MEGF6: variants seen among roughly 807,000 people sequenced by gnomAD.
The protein encoded by MEGF6 is multiple epidermal growth factor-like domains protein 6.
MEGF6 carries 184 observed loss-of-function variants against 207.1 expected under a neutral mutation model. The observed-to-expected ratio is 0.89, with a 90% CI of 0.79 to 1.00. The LOEUF (loss-of-function observed/expected upper bound fraction) is 1.00. MEGF6 is among the 50% of genes least tolerant of loss of function. The pLI, the probability that MEGF6 is intolerant of heterozygous loss-of-function variation, is 0.00. For synonymous variants in MEGF6, 1,038 were observed against 910.0 expected, an observed-to-expected ratio of 1.14 and a Z score of -2.53; for missense variants, 2,282 against 2,202.9, an observed-to-expected ratio of 1.04 and a Z score of -0.72.
intron 1 of MEGF6, among the ~76,000 whole-genome samples, chr1:3,607,591 G>A (rs527612899): frequency 9.8e-5 from 15 of 152,326 alleles, no homozygotes; most frequent in African/African-American, 3.6e-4. Context: ...GGTGGCAGGG[G>A]AAGGGCAGGC....
At chr1:3,520,702 CAA>C in intron 5 of MEGF6, among the ~76,000 whole-genome samples, 1 of 152,304 alleles carries the variant, frequency 6.6e-6, no homozygotes, top group East Asian at 1.9e-4. Context: ...GAGCCACTGG[CAA>C]AGTCCTTCTT....
rs774490175 is a variant in MEGF6 at position 3,501,854 on chromosome 1, G to A, written c.2256C>T (p.His752=). The A allele has an allele frequency of 3.7e-6, 6 of 1,607,716 alleles. No homozygotes were observed. Among genetic ancestry groups the A allele is most frequent in the South Asian group, 1.1e-5 (1 of 90,596 alleles). The change falls in exon 18 of 37, where the codon CAC becomes CAT. Residue 752 remains histidine (H), a synonymous_variant. Transcript: ENST00000356575. ...SSCSCGGAPC[H]GVTGQCRCPP... is the part of the protein sequence containing the mutation. The stretch of plus-strand genomic sequence containing the variant: ...GACACCGGCACTGCCCCGTGACCCC[G>A]TGGCAGGGGGCCCCCCCACAGGAGC...
At chr1:3,621,467 A>G in the MEGF6 span, among the ~76,000 whole-genome samples, 1 of 152,222 alleles carries the variant, frequency 6.6e-6, no homozygotes, top group African/African-American at 2.4e-5. Flanking sequence ...AGCGAGGATT[A>G]TTATAATATT....
chr1:3,578,263 C>T (rs541246973), intron 4 of MEGF6, among the ~76,000 whole-genome samples: 7 of 152,356 alleles, frequency 4.6e-5, no homozygotes, highest in Admixed American at 2.0e-4. Context: ...CTGGTATTTC[C>T]GCGTGAAACC....
In MEGF6 at chr1:3,495,972, C is replaced by A; in HGVS notation, c.3789G>T (p.Gly1263=). Residue 1263 remains glycine (G), a synonymous_variant, in exon 30 of 37, where the codon GGG becomes GGT. Coordinates refer to ENST00000356575, the MANE Select transcript of MEGF6 (RefSeq NM_001409.4). ...RFGPNCTHVC[G]CGQGAACDPV... Reference sequence around the variant, plus strand: ...GGTCGCAGGCCGCCCCCTGCCCACACCCACACACGTGGGTGCAGTTGGGGC... The same window carrying A: ...GGTCGCAGGCCGCCCCCTGCCCACAACCACACACGTGGGTGCAGTTGGGGC... The A allele has an allele frequency of 1.3e-6, 2 of 1,576,822 alleles. No homozygotes were observed. Among genetic ancestry groups the A allele is most frequent in the East Asian group, 2.3e-5 (1 of 43,980 alleles).
At position 3,494,466 on chromosome 1, in the gene MEGF6, T is replaced by A. The variant is rs1358295433; in HGVS notation, c.4034A>T (p.His1345Leu). 6 of 1,580,618 alleles carry A rather than the reference T, an allele frequency of 3.8e-6. No individual in the cohort carries two copies. Among genetic ancestry groups the A allele is most frequent in the Non-Finnish European group, 5.1e-6 (6 of 1,167,766 alleles). The change falls in exon 32 of 37, where the codon CAT becomes CTT. Residue 1345 changes from histidine (H) to leucine (L), a missense_variant. Transcript: ENST00000356575. ...GTTGTTGTGGCAGGAGCACTCCAGATGGCAGGCGGCTCCGTAGCGCCCAGG... is the reference window on the plus strand; with the variant it reads ...GTTGTTGTGGCAGGAGCACTCCAGAAGGCAGGCGGCTCCGTAGCGCCCAGG... Reference protein sequence around the residue: ...CPPGRYGAACHLECSCHNNST... With the variant: ...CPPGRYGAACLLECSCHNNST...
rs781539343 is a variant in MEGF6, at chr1:3,499,803, G to A, written c.2829C>T (p.Cys943=). 61 of 1,557,682 alleles carry A rather than the reference G, an allele frequency of 3.9e-5. 2 individuals carry two copies. The highest frequency in any genetic ancestry group is 3.7e-4 in the South Asian group (31 of 84,810). The part of the protein sequence containing the change: ...TCPAGWRGTF[C]EHACPAGFFG... ...GCCTGTGCCGTAGCTCACCATGCTC[G>A]CAGAAGGTGCCCCTCCAGCCGGCCG... The change falls in exon 22 of 37, where the codon TGC becomes TGT. Residue 943 remains cysteine, a synonymous_variant. Coordinates refer to ENST00000356575, the MANE Select transcript of MEGF6 (RefSeq NM_001409.4).
At chr1:3,577,965 A>G (rs2794348) in intron 4 of MEGF6, among the ~76,000 whole-genome samples, 114,253 of 152,206 alleles carry the variant, frequency 0.75, 44,172 homozygotes, top group Non-Finnish European at 0.84. Flanking sequence ...GTGCCTGCCG[A>G]TGCCCCGGGG....
At chr1:3,616,056 A>G (rs1157190529), upstream of MEGF6, among the ~76,000 whole-genome samples, 1 of 152,162 alleles carries the variant, frequency 6.6e-6, no homozygotes, top group Non-Finnish European at 1.5e-5. Flanking sequence ...GATGGAGGAG[A>G]AATAACGTAG....
At chr1:3,504,926 T>C (rs567150428) in intron 17 of MEGF6, among the ~76,000 whole-genome samples, 5 of 152,056 alleles carry the variant, frequency 3.3e-5, no homozygotes, top group South Asian at 4.1e-4. Flanking sequence ...AGGGAGGAGT[T>C]TGGAGAGAAA....
rs1643554829 is a variant in MEGF6 at position 3,573,091 on chromosome 1, T to C, written c.481+6734A>G. 6.7e-6 allele frequency among the ~76,000 whole-genome samples: 1 copy of C among 149,454 alleles called. No individual in the cohort carries two copies. Among genetic ancestry groups the C allele is most frequent in the South Asian group, 2.2e-4 (1 of 4,612 alleles). On this transcript the variant is annotated intron_variant, in intron 4 of 36. Coordinates refer to ENST00000356575, the MANE Select transcript of MEGF6 (RefSeq NM_001409.4). The surrounding 1 kb of genome is among the most constrained non-coding windows in gnomAD (Gnocchi z 5.1). ...GTGGGCTGGGTTCCCTCAGGTGTGC[T>C]GGGTCCTTCCTGGTATGCTGGGTCC...
In MEGF6 at chr1:3,500,991, C is replaced by T; in HGVS notation, c.2550G>A (p.Gly850=). 1 of 1,612,200 alleles carries T rather than the reference C, an allele frequency of 6.2e-7. No homozygotes were observed. The highest frequency in any genetic ancestry group is 1.8e-4 in the Middle Eastern group (1 of 5,580). The change falls in exon 20 of 37, where the codon GGG becomes GGA. Residue 850 remains glycine, a synonymous_variant. Transcript: ENST00000356575. ...PATGHCSCAP[G]WTGFSCQRAC... ...CTCTCTGGCAGCTAAAGCCGGTCCA[C>T]CCGGGGGCACAGCTGCAGTGTCCGG...
intron 1 of MEGF6, 111 bp downstream of exon 1, chr1:3,611,027 A>T: frequency 7.7e-7 from 1 of 1,300,784 alleles, no homozygotes; most frequent in Non-Finnish European, 9.9e-7. Flanking sequence ...CAAACAGCCC[A>T]TTGTTCTGGA....
At chr1:3,514,517 T>C (rs986422039) in intron 7 of MEGF6, 33 bp downstream of exon 7, 1 of 1,565,888 alleles carries the variant, frequency 6.4e-7, no homozygotes, top group Non-Finnish European at 8.6e-7. Context: ...TTTCTGACCC[T>C]GGGCGGGGCG....
chr1:3,581,698 G>T (rs180879013), intron 3 of MEGF6, among the ~76,000 whole-genome samples: 65 of 152,322 alleles, frequency 4.3e-4, no homozygotes, highest in African/African-American at 1.5e-3. Flanking sequence ...TGGGGAGCAG[G>T]TGCCGGCCTG....
chr1:3,615,966 C>T (rs1268316340), upstream of MEGF6, among the ~76,000 whole-genome samples: 2 of 152,220 alleles, frequency 1.3e-5, no homozygotes, highest in Non-Finnish European at 2.9e-5. Flanking sequence ...CTCTAGCTTG[C>T]CTGAAAAGCA....
intron 4 of MEGF6, among the ~76,000 whole-genome samples, chr1:3,545,829 C>T (rs1232266670): frequency 2.6e-5 from 4 of 152,232 alleles, no homozygotes; most frequent in Non-Finnish European, 5.9e-5. Context: ...CCCAGCCTCC[C>T]GCTGGCCACA....
chr1:3,581,498 G>T (rs943068846), intron 3 of MEGF6, among the ~76,000 whole-genome samples: 1 of 152,222 alleles, frequency 6.6e-6, no homozygotes, highest in African/African-American at 2.4e-5. Context: ...ATTCCCCAGG[G>T]ACCGGGGACC....
chr1:3,618,698 C>G, the MEGF6 span, among the ~76,000 whole-genome samples: 1 of 152,206 alleles, frequency 6.6e-6, no homozygotes, highest in Non-Finnish European at 1.5e-5. The surrounding 1 kb of genome is among the most constrained non-coding windows in gnomAD (Gnocchi z 4.7). Context: ...AAGACACCAC[C>G]TGAGCGCTCA....
Sources: gnomAD v4.1 joint callset for allele counts (sites outside exome capture counted in the v4.1 genomes callset) on GRCh38, gnomAD v4.1.1 for gene constraint, Gnocchi (gnomAD v3.1) non-coding constraint, MANE v1.5 for transcripts, NCBI Gene and HGNC (gene_info 2026-07-23, HGNC 2026-07-21) for gene names.